CFAP70: variants seen among roughly 807,000 people sequenced by gnomAD.
CFAP70 encodes cilia- and flagella-associated protein 70.
In CFAP70, 81 loss-of-function variants were observed where a neutral mutation model predicts 137.6. The ratio of observed to expected loss-of-function variants is 0.59; its 90% CI spans 0.49 to 0.71. The LOEUF (loss-of-function observed/expected upper bound fraction) is 0.71, where lower values mean the gene tolerates loss of function less well. CFAP70 is among the 30% of genes least tolerant of loss of function. The pLI, the probability that CFAP70 is intolerant of heterozygous loss-of-function variation, is 0.00. For missense variants in CFAP70, 976 were observed against 1,226.7 expected, an observed-to-expected ratio of 0.80 and a Z score of 3.05; for synonymous variants, 382 against 423.6, an observed-to-expected ratio of 0.90 and a Z score of 1.20.
intron 19 of CFAP70, among the ~76,000 whole-genome samples, chr10:73,287,639 A>T (rs1021481894): frequency 6.6e-6 from 1 of 152,184 alleles, no homozygotes; most frequent in Non-Finnish European, 1.5e-5. Context: ...CACCAAAATG[A>T]GGAAGCAAAG....
intron 7 of CFAP70, among the ~76,000 whole-genome samples, chr10:73,335,213 G>C (rs2052531558): frequency 6.6e-6 from 1 of 151,974 alleles, no homozygotes; most frequent in South Asian, 2.1e-4. Context: ...TTATATAAAA[G>C]AGGAATAAGC....
In CFAP70 at chr10:73,353,585, G is replaced by C; in HGVS notation, c.221C>G (p.Ser74Ter). ...CACAGGTTTGTGAGCGAGGTCATCT[G>C]AAGTGATTCCTCCTTCAGGATTAAA... The change falls in exon 3 of 27, where the codon TCA becomes TGA. Residue 74 changes from serine (S) to a stop codon, truncating the protein, a stop_gained. Transcript: ENST00000310715. LOFTEE classifies it high-confidence loss of function. 1 of 1,614,172 alleles carries C rather than the reference G, an allele frequency of 6.2e-7. No homozygotes were observed. The highest frequency in any genetic ancestry group is 8.5e-7 in the Non-Finnish European group (1 of 1,180,034).
At chr10:73,338,922 C>CTT (rs879821090) in intron 6 of CFAP70, among the ~76,000 whole-genome samples, 9 of 138,406 alleles carry the variant, frequency 6.5e-5, no homozygotes, top group African/African-American at 1.1e-4. Context: ...GATCACTATA[C>CTT]TTTTTTTTTT....
At chr10:73,289,602 CAT>C (rs1331423318) in intron 19 of CFAP70, among the ~76,000 whole-genome samples, 6 of 151,820 alleles carry the variant, frequency 4.0e-5, no homozygotes, top group Admixed American at 3.3e-4. Flanking sequence ...ATTTAAATAA[CAT>C]ATATAGAGAA....
intron 8 of CFAP70, among the ~76,000 whole-genome samples, chr10:73,329,629 G>T (rs2051860945): frequency 6.6e-6 from 1 of 152,078 alleles, no homozygotes; most frequent in Non-Finnish European, 1.5e-5. Flanking sequence ...CGGCTTCTTA[G>T]CAGAAAGTGA....
At chr10:73,330,894 G>C (rs2052004420) in intron 8 of CFAP70, among the ~76,000 whole-genome samples, 2 of 152,228 alleles carry the variant, frequency 1.3e-5, no homozygotes, top group South Asian at 4.1e-4. Flanking sequence ...AAGGGCCAAA[G>C]AGAAATAGGA....
At chr10:73,328,170 T>C (rs573632613) in intron 8 of CFAP70, among the ~76,000 whole-genome samples, 33 of 152,258 alleles carry the variant, frequency 2.2e-4, no homozygotes, top group African/African-American at 7.5e-4. Flanking sequence ...AACAGAGCCC[T>C]GAGAAATAAC....
rs1429635222 is a variant in CFAP70, at chr10:73,330,451, A to C, written c.777+726T>G. The stretch of plus-strand genomic sequence containing the variant: ...GGCGACAGAGTAAGACTCCATCACA[A>C]AAAAAAAAAAAAAAAAGTCCTATGT... On this transcript the variant is annotated intron_variant, in intron 8 of 26. Coordinates refer to ENST00000310715, the Ensembl canonical transcript of CFAP70. Among the ~76,000 whole-genome samples the C allele has an allele frequency of 3.7e-5, 4 of 107,006 alleles. No homozygotes were observed. The South Asian group carries it at 1.0e-3, about 27-fold the overall frequency. The allele number at this position is 107,006 out of a possible 152,430, so 70.2% of individuals were successfully genotyped here.
intron 5 of CFAP70, 44 bp downstream of exon 6, chr10:73,345,020 CA>C (rs1176297683): frequency 1.3e-6 from 2 of 1,540,768 alleles, no homozygotes; most frequent in Admixed American, 3.4e-5. Context: ...CATATGAGTA[CA>C]GACATGTTTG....
rs73272332 is a variant in CFAP70 at position 73,286,987 on chromosome 10, G to C, written c.2239+4239C>G. Among the ~76,000 whole-genome samples, 746 of 152,310 alleles carry C rather than the reference G, an allele frequency of 4.9e-3. 6 individuals carry two copies. Among genetic ancestry groups the C allele is most frequent in the Middle Eastern group, 0.034 (10 of 294 alleles). On this transcript the variant is annotated intron_variant, in intron 19 of 26. Transcript: ENST00000310715. ...AACGCCTTAAGCAGTTTTCCCCCTT[G>C]GGTGGGCCAGGTGTTTCCTCGCCCT... is the stretch of plus-strand genomic sequence containing the variant.
rs1564889478 is a variant in CFAP70, at chr10:73,351,043, A to ATGTG, written c.250+2512_250+2513insCACA. On this transcript the variant is annotated intron_variant, in intron 3 of 26. Transcript: ENST00000310715. ...TATATATATGTGTATATGTGTGTAT[A>ATGTG]TATGTGTGTGTGTGTGTGTGTGTGT... 1.2e-3 allele frequency among the ~76,000 whole-genome samples: 107 copies of ATGTG among 92,054 alleles called. 6 individuals are homozygous for ATGTG. The highest frequency in any genetic ancestry group is 3.6e-3 in the African/African-American group (82 of 23,022). The allele number at this position is 92,054 out of a possible 152,430, so 60.4% of individuals were successfully genotyped here.
chr10:73,270,234 C>A (rs1474493107), intron 24 of CFAP70, among the ~76,000 whole-genome samples: 1 of 152,092 alleles, frequency 6.6e-6, no homozygotes, highest in Non-Finnish European at 1.5e-5. Context: ...CAATCCCGAG[C>A]AATCAATGCA....
At chr10:73,300,425 A>G (rs1180154467) in intron 12 of CFAP70, among the ~76,000 whole-genome samples, 1 of 152,164 alleles carries the variant, frequency 6.6e-6, no homozygotes, top group Non-Finnish European at 1.5e-5. Flanking sequence ...ACTAATTTTA[A>G]TTCTATTTAT....
intron 8 of CFAP70, among the ~76,000 whole-genome samples, chr10:73,329,896 C>G (rs1208402260): frequency 2.6e-5 from 4 of 152,096 alleles, no homozygotes; most frequent in African/African-American, 9.7e-5. Flanking sequence ...TTAGCACTAT[C>G]TACCATGGAT....
chr10:73,263,078 A>G (rs902021912), intron 25 of CFAP70, among the ~76,000 whole-genome samples: 10 of 152,270 alleles, frequency 6.6e-5, no homozygotes, highest in African/African-American at 2.4e-4. Context: ...TTGTTCCAAT[A>G]ATATCATTCA....
chr10:73,314,377 C>T (rs768975129), intron 9 of CFAP70, among the ~76,000 whole-genome samples: 1 of 152,182 alleles, frequency 6.6e-6, no homozygotes, highest in Non-Finnish European at 1.5e-5. Context: ...CTAAAAATCA[C>T]TCACAATCCT....
At chr10:73,255,488 A>C (rs2044394096) in intron 26 of CFAP70, among the ~76,000 whole-genome samples, 1 of 152,130 alleles carries the variant, frequency 6.6e-6, no homozygotes, top group African/African-American at 2.4e-5. Flanking sequence ...CGGGAGGTGG[A>C]GGTTGCAGTG....
chr10:73,315,784 C>T (rs1016997371), intron 9 of CFAP70, among the ~76,000 whole-genome samples: 2 of 152,142 alleles, frequency 1.3e-5, no homozygotes, highest in African/African-American at 2.4e-5. Flanking sequence ...AGGCTGGTCT[C>T]CAACTTCTGA....
intron 25 of CFAP70, among the ~76,000 whole-genome samples, chr10:73,261,992 AT>A (rs1385143028): frequency 5.4e-5 from 8 of 146,888 alleles, no homozygotes; most frequent in Admixed American, 3.4e-4. Context: ...ATACATATGT[AT>A]ATATGTATAC....
Sources: gnomAD v4.1 joint callset for allele counts (sites outside exome capture counted in the v4.1 genomes callset) on GRCh38, gnomAD v4.1.1 for gene constraint, MANE v1.5 for transcripts, NCBI Gene and HGNC (gene_info 2026-07-23, HGNC 2026-07-21) for gene names.